CSMD1: variants seen among roughly 807,000 people sequenced by gnomAD.
CSMD1 encodes CUB and Sushi multiple domains 1.
A neutral mutation model predicts 417.5 loss-of-function variants in CSMD1; 213 were observed. The ratio of observed to expected loss-of-function variants is 0.51; its 90% CI spans 0.46 to 0.57. CSMD1 has a LOEUF of 0.57. CSMD1 is among the 20% of genes least tolerant of loss of function. The probability of loss-of-function intolerance (pLI) is 0.00; values close to 1 mark genes in which losing one functional copy is unlikely to be tolerated. For synonymous variants in CSMD1, 2,862 were observed against 1,736.8 expected, an observed-to-expected ratio of 1.65 and a Z score of -16.11; for missense variants, 6,923 against 4,529.7, an observed-to-expected ratio of 1.53 and a Z score of -15.17.
intron 2 of CSMD1, among the ~76,000 whole-genome samples, chr8:4,559,191 T>C (rs1423405535): frequency 6.6e-6 from 1 of 152,214 alleles, no homozygotes; most frequent in Non-Finnish European, 1.5e-5. Flanking sequence ...GAGCATATGC[T>C]GGCTTTAGTC....
chr8:3,042,494 T>C (rs539621150), intron 50 of CSMD1, among the ~76,000 whole-genome samples: 2 of 152,034 alleles, frequency 1.3e-5, no homozygotes, highest in South Asian at 4.1e-4. Context: ...GGGACCTTTG[T>C]TTGACTTTGT....
chr8:3,307,418 T>A (rs1458530035), intron 25 of CSMD1, among the ~76,000 whole-genome samples: 1 of 2,334 alleles, frequency 4.3e-4, no homozygotes, highest in African/African-American at 1.5e-3. Context: ...GTCATGATGT[T>A]TTTTTTCAGC....
At chr8:4,741,407 C>A (rs1018846140) in intron 1 of CSMD1, among the ~76,000 whole-genome samples, 2 of 152,102 alleles carry the variant, frequency 1.3e-5, no homozygotes, top group Non-Finnish European at 2.9e-5. Flanking sequence ...AGATTAAATA[C>A]TAAATGACCA....
chr8:3,498,128 G>T (rs1161534350), intron 10 of CSMD1, among the ~76,000 whole-genome samples: 1 of 152,050 alleles, frequency 6.6e-6, no homozygotes, highest in Non-Finnish European at 1.5e-5. Flanking sequence ...ATATCACCCT[G>T]TTCTCCCCTA....
intron 5 of CSMD1, among the ~76,000 whole-genome samples, chr8:3,861,087 C>A (rs1393460315): frequency 6.6e-6 from 1 of 152,188 alleles, no homozygotes; most frequent in East Asian, 1.9e-4. Context: ...GTAATGCCAA[C>A]TTCTAGTGAG....
At chr8:4,711,042 G>C (rs576062889) in intron 1 of CSMD1, among the ~76,000 whole-genome samples, 1 of 150,970 alleles carries the variant, frequency 6.6e-6, no homozygotes, top group Non-Finnish European at 1.5e-5. Context: ...AGCAACTAAA[G>C]AAAATAAAAT....
intron 12 of CSMD1, among the ~76,000 whole-genome samples, chr8:3,428,043 G>A (rs554597335): frequency 6.6e-5 from 10 of 152,232 alleles, no homozygotes; most frequent in South Asian, 4.1e-4. Context: ...TATCTGCTTC[G>A]TTGCGTCTAC....
At chr8:3,084,948 TATTATA>T (rs1814415210) in intron 49 of CSMD1, among the ~76,000 whole-genome samples, 2 of 151,902 alleles carry the variant, frequency 1.3e-5, no homozygotes, top group African/African-American at 4.8e-5. Flanking sequence ...AATAATTTTA[TATTATA>T]ATTAAAATGC....
intron 37 of CSMD1, among the ~76,000 whole-genome samples, chr8:3,166,376 A>G (rs559873096): frequency 6.6e-6 from 1 of 151,978 alleles, no homozygotes; most frequent in East Asian, 1.9e-4. Context: ...TCGACCACAA[A>G]TGCAAAAAGT....
chr8:4,405,422 C>T (rs551364618), intron 3 of CSMD1, among the ~76,000 whole-genome samples: 2 of 152,086 alleles, frequency 1.3e-5, no homozygotes, highest in Admixed American at 1.3e-4. Context: ...TTCTTAACCT[C>T]AGTTGTCAAT....
At chr8:4,533,077 G>A (rs190624021) in intron 2 of CSMD1, among the ~76,000 whole-genome samples, 25 of 152,308 alleles carry the variant, frequency 1.6e-4, no homozygotes, top group Non-Finnish European at 3.2e-4. Flanking sequence ...TGCGTCAAAA[G>A]ATTTTTTGGT....
intron 3 of CSMD1, among the ~76,000 whole-genome samples, chr8:4,275,184 T>A (rs1234273591): frequency 6.6e-6 from 1 of 152,202 alleles, no homozygotes; most frequent in African/African-American, 2.4e-5. Context: ...GGGTTTTTTC[T>A]TTCTAGTTTT....
chr8:3,981,795 A>C (rs1382075103), intron 5 of CSMD1, among the ~76,000 whole-genome samples: 1 of 152,170 alleles, frequency 6.6e-6, no homozygotes, highest in Non-Finnish European at 1.5e-5. Context: ...TCAAGAGAAG[A>C]GGCAGTTAGC....
At chr8:3,656,121 G>C (rs1798090579) in intron 7 of CSMD1, among the ~76,000 whole-genome samples, 2 of 152,214 alleles carry the variant, frequency 1.3e-5, no homozygotes, top group South Asian at 2.1e-4. Flanking sequence ...GGGGTGCGCA[G>C]TGAACTCATT....
chr8:3,328,078 C>T (rs973307733), intron 23 of CSMD1, among the ~76,000 whole-genome samples: 1 of 152,202 alleles, frequency 6.6e-6, no homozygotes, highest in Non-Finnish European at 1.5e-5. Context: ...CTTTCTGAGA[C>T]TCACAATGAG....
At chr8:4,275,512 G>A (rs1585140532) in intron 3 of CSMD1, among the ~76,000 whole-genome samples, 1 of 152,092 alleles carries the variant, frequency 6.6e-6, no homozygotes, top group African/African-American at 2.4e-5. Context: ...ACAAACAACT[G>A]TGCTGCTTTT....
At chr8:3,615,931 A>C (rs763416668) in intron 8 of CSMD1, among the ~76,000 whole-genome samples, 1 of 152,190 alleles carries the variant, frequency 6.6e-6, no homozygotes, top group African/African-American at 2.4e-5. Flanking sequence ...TAATAGGACT[A>C]TTATAATCAC....
chr8:3,133,964 G>C (rs1190013332), intron 41 of CSMD1, among the ~76,000 whole-genome samples: 2 of 152,150 alleles, frequency 1.3e-5, no homozygotes, highest in Non-Finnish European at 2.9e-5. Flanking sequence ...CGGATCATGA[G>C]GTCAGGAGAT....
At chr8:4,966,712 T>C (rs927655481) in intron 1 of CSMD1, among the ~76,000 whole-genome samples, 4 of 152,214 alleles carry the variant, frequency 2.6e-5, no homozygotes, top group Non-Finnish European at 5.9e-5. Flanking sequence ...ATAATTTTTA[T>C]TTGGCAAAAA....
Sources: gnomAD v4.1 joint callset for allele counts (sites outside exome capture counted in the v4.1 genomes callset) on GRCh38, gnomAD v4.1.1 for gene constraint, MANE v1.5 for transcripts, NCBI Gene and HGNC (gene_info 2026-07-23, HGNC 2026-07-21) for gene names.